ACTR3C: variants seen among roughly 807,000 people sequenced by gnomAD.
ACTR3C encodes actin-related protein 3C.
In ACTR3C, 18 loss-of-function variants were observed where a neutral mutation model predicts 26.3. The observed-to-expected ratio is 0.68, with a 90% confidence interval of 0.47 to 1.01. The LOEUF (loss-of-function observed/expected upper bound fraction) is 1.01, where lower values mean the gene tolerates loss of function less well. ACTR3C is among the 50% of genes least tolerant of loss of function. ACTR3C has a pLI of 0.00. For missense variants in ACTR3C, 184 were observed against 250.7 expected (o/e 0.73, Z 1.80); for synonymous variants, 55 against 94.5 (o/e 0.58, Z 2.42).
At chr7:150,035,552 G>T in the ACTR3C span, among the ~76,000 whole-genome samples, 5 of 125,834 alleles carry the variant, frequency 4.0e-5, no homozygotes, top group Admixed American at 1.5e-4. Context: ...CCTGCGATGG[G>T]GGTCCGCAGA....
At chr7:150,017,404 C>A in the ACTR3C span, among the ~76,000 whole-genome samples, 2 of 142,184 alleles carry the variant, frequency 1.4e-5, no homozygotes, top group African/African-American at 2.9e-5. Context: ...TATCACAGAC[C>A]AGGTCCATTC....
At chr7:149,990,615 C>G in the ACTR3C span, among the ~76,000 whole-genome samples, 1 of 136,786 alleles carries the variant, frequency 7.3e-6, no homozygotes, top group Non-Finnish European at 1.6e-5. Flanking sequence ...AGAAGTGAGG[C>G]AGACACATGA....
At chr7:149,907,512 C>CTCTCTCTCTCTCTCTCTCTCTCTCTT in the ACTR3C span, among the ~76,000 whole-genome samples, 1 of 150,934 alleles carries the variant, frequency 6.6e-6, no homozygotes, top group Non-Finnish European at 1.5e-5. Flanking sequence ...CTCTCTCTCT[C>CTCTCTCTCTCTCTCTCTCTCTCTCTT]TCAACAAACT....
At chr7:150,104,760 C>T in the ACTR3C span, among the ~76,000 whole-genome samples, 108,466 of 151,856 alleles carry the variant, frequency 0.71, 38,999 homozygotes, top group South Asian at 0.75. Flanking sequence ...ATAAATAGCA[C>T]GGTCAACAAA....
the ACTR3C span, among the ~76,000 whole-genome samples, chr7:149,910,311 TC>T: frequency 6.6e-6 from 1 of 152,204 alleles, no homozygotes; most frequent in Non-Finnish European, 1.5e-5. Context: ...CTGAGAATCA[TC>T]TGACAAGAGC....
chr7:150,053,833 AG>A, the ACTR3C span, among the ~76,000 whole-genome samples: 1 of 152,220 alleles, frequency 6.6e-6, no homozygotes, highest in East Asian at 1.9e-4. Flanking sequence ...AAATAAAGGA[AG>A]GGGGTATAGT....
At chr7:150,051,249 A>G in the ACTR3C span, among the ~76,000 whole-genome samples, 5 of 152,096 alleles carry the variant, frequency 3.3e-5, no homozygotes, top group Non-Finnish European at 7.3e-5. Context: ...ATAAAAGAAT[A>G]AAGTGGTTAG....
chr7:150,316,778 C>T (rs1243186220), intron 1 of ACTR3C, among the ~76,000 whole-genome samples: 1 of 152,150 alleles, frequency 6.6e-6, no homozygotes, highest in Non-Finnish European at 1.5e-5. Context: ...GCCACCACGC[C>T]TGGCCAAGAA....
At chr7:149,911,109 G>C in the ACTR3C span, among the ~76,000 whole-genome samples, 1 of 151,962 alleles carries the variant, frequency 6.6e-6, no homozygotes, top group South Asian at 2.1e-4. Context: ...AGCCAACCAA[G>C]AGCCAACCCA....
At chr7:150,029,409 A>AC in the ACTR3C span, among the ~76,000 whole-genome samples, 120 of 99,428 alleles carry the variant, frequency 1.2e-3, 2 homozygotes, top group Middle Eastern at 8.7e-3. Context: ...AAAACAAAAA[A>AC]AAAAAAAACA....
the ACTR3C span, among the ~76,000 whole-genome samples, chr7:150,064,523 C>T: frequency 2.0e-5 from 3 of 150,612 alleles, no homozygotes; most frequent in African/African-American, 7.3e-5. Context: ...TGAGATCACA[C>T]CCACTGTACT....
chr7:150,132,393 T>C, the ACTR3C span, among the ~76,000 whole-genome samples: 7 of 152,152 alleles, frequency 4.6e-5, no homozygotes, highest in South Asian at 2.1e-4. Flanking sequence ...CTACAATGAA[T>C]TTAAAATAAA....
chr7:149,970,964 T>C, the ACTR3C span, among the ~76,000 whole-genome samples: 1 of 152,156 alleles, frequency 6.6e-6, no homozygotes, highest in African/African-American at 2.4e-5. Flanking sequence ...TTCTTCCAGA[T>C]GACAATTTTC....
At chr7:150,304,565 G>C (rs1042503966) in intron 1 of ACTR3C, among the ~76,000 whole-genome samples, 7 of 152,154 alleles carry the variant, frequency 4.6e-5, no homozygotes, top group Non-Finnish European at 2.9e-5. Flanking sequence ...AGCCCAGTCA[G>C]ACCCTTCGAC....
the ACTR3C span, among the ~76,000 whole-genome samples, chr7:150,033,814 G>A: frequency 2.0e-5 from 3 of 151,978 alleles, no homozygotes; most frequent in East Asian, 1.9e-4. Flanking sequence ...AAGAGGGACT[G>A]GCTCTCAGTC....
At chr7:150,154,333 C>T in the ACTR3C span, among the ~76,000 whole-genome samples, 6 of 152,066 alleles carry the variant, frequency 3.9e-5, no homozygotes, top group South Asian at 8.3e-4. Flanking sequence ...CATGTAAAGA[C>T]GTCTCTTTTT....
At chr7:150,303,590 G>T (rs926802866) in intron 1 of ACTR3C, among the ~76,000 whole-genome samples, 4 of 152,162 alleles carry the variant, frequency 2.6e-5, no homozygotes, top group African/African-American at 9.7e-5. Flanking sequence ...CAAAATCGAT[G>T]TTATTCAGGC....
chr7:150,282,108 G>C (rs1244647705), intron 6 of ACTR3C, among the ~76,000 whole-genome samples: 2 of 142,650 alleles, frequency 1.4e-5, no homozygotes, highest in East Asian at 4.0e-4. Flanking sequence ...GGCTACATGA[G>C]AGGCAGTGGT....
chr7:150,183,696 C>CAAAAAA, the ACTR3C span, among the ~76,000 whole-genome samples: 47 of 48,016 alleles, frequency 9.8e-4, 1 homozygote, highest in African/African-American at 3.0e-3. Flanking sequence ...GTGGCTATGG[C>CAAAAAA]AAAAAAAAAA....
Sources: allele counts gnomAD v4.1 joint callset (sites outside exome capture counted in the v4.1 genomes callset), GRCh38; gene constraint gnomAD v4.1.1; transcripts MANE v1.5; gene names NCBI Gene and HGNC (gene_info 2026-07-23, HGNC 2026-07-21).